Variants in EFCAB3 observed in about 807,000 individuals in gnomAD.
EFCAB3 encodes the protein EF-hand calcium-binding domain-containing protein 3.
EFCAB3 carries 36 observed loss-of-function variants against 42.2 expected under a neutral mutation model. That is an observed-to-expected ratio of 0.85 (90% CI 0.65 to 1.13). The LOEUF (loss-of-function observed/expected upper bound fraction) is 1.13, where lower values mean the gene tolerates loss of function less well. Ranked by LOEUF, EFCAB3 falls within the 50% of genes most tolerant of loss-of-function variation. The pLI, the probability that EFCAB3 is intolerant of heterozygous loss-of-function variation, is 0.00. For synonymous variants in EFCAB3, 170 were observed against 172.8 expected, an observed-to-expected ratio of 0.98 and a Z score of 0.13; for missense variants, 418 against 505.1, an observed-to-expected ratio of 0.83 and a Z score of 1.65.
chr17:62,410,541 C>T (rs1598022025), intron 8 of EFCAB3, among the ~76,000 whole-genome samples: 2 of 151,840 alleles, frequency 1.3e-5, no homozygotes, highest in East Asian at 3.9e-4. Flanking sequence ...ATTGCTTGAG[C>T]CGAGGAATTC....
intron 4 of EFCAB3, among the ~76,000 whole-genome samples, chr17:62,392,362 T>C (rs906155741): frequency 2.0e-5 from 3 of 151,730 alleles, no homozygotes; most frequent in Non-Finnish European, 4.4e-5. Context: ...TGTGTACAAG[T>C]TGTGAAATCA....
chr17:62,403,796 G>A (rs570675107), intron 6 of EFCAB3, among the ~76,000 whole-genome samples: 2 of 152,198 alleles, frequency 1.3e-5, no homozygotes, highest in Admixed American at 6.5e-5. Flanking sequence ...CTACAAGCCT[G>A]CACTACCATG....
chr17:62,371,762 T>C (rs1390686863), intron 1 of EFCAB3, among the ~76,000 whole-genome samples: 4 of 152,184 alleles, frequency 2.6e-5, no homozygotes, highest in African/African-American at 4.8e-5. Flanking sequence ...TGTTTGTTTA[T>C]TGAAATTTTA....
intron 9 of EFCAB3, 75 bp from the exon 10 acceptor site, chr17:62,415,928 G>A: frequency 1.6e-6 from 2 of 1,224,216 alleles, no homozygotes; most frequent in South Asian, 1.5e-5. Context: ...TAACTCTTGG[G>A]GTATCTATCA....
intron 6 of EFCAB3, among the ~76,000 whole-genome samples, chr17:62,403,886 G>C (rs892852679): frequency 6.6e-6 from 1 of 152,202 alleles, no homozygotes; most frequent in Non-Finnish European, 1.5e-5. Context: ...CTGACCTCAA[G>C]TGATCCACCC....
At chr17:62,389,600 A>C (rs2070285171) in intron 3 of EFCAB3, among the ~76,000 whole-genome samples, 1 of 152,160 alleles carries the variant, frequency 6.6e-6, no homozygotes, top group Admixed American at 6.5e-5. Context: ...TTACTTTCCC[A>C]AAGAAAACTG....
At chr17:62,406,456 T>G (rs1487990340) in intron 6 of EFCAB3, 24 bp from the exon 7 acceptor site, 1 of 1,554,948 alleles carries the variant, frequency 6.4e-7, no homozygotes, top group South Asian at 1.2e-5. Context: ...TGTATCCATT[T>G]CTGAATTACT....
chr17:62,379,216 G>A (rs1044837481), upstream of EFCAB3, among the ~76,000 whole-genome samples: 8 of 152,088 alleles, frequency 5.3e-5, no homozygotes, highest in South Asian at 2.1e-4. Context: ...CCAGGATTTC[G>A]AGACCAGTCT....
chr17:62,416,114 A>G lies in EFCAB3; in HGVS notation c.1102A>G (p.Asn368Asp). The G allele has an allele frequency of 6.2e-7, 1 of 1,613,934 alleles. No homozygotes were observed. The highest frequency in any genetic ancestry group is 8.5e-7 in the Non-Finnish European group (1 of 1,179,838). Residue 368 changes from asparagine to aspartate, a missense_variant, in exon 10 of 10, where the codon AAT becomes GAT. Coordinates refer to ENST00000305286, the MANE Select transcript of EFCAB3 (RefSeq NM_173503.4). ...GGATTTGATTGGGATGGACTCTAGA[A>G]ATGAGTCCTTTTATGACACCTTTTC... ...RGDLIGMDSR[N>D]ESFYDTFSTY...
chr17:62,379,332 C>T (rs1264726054), upstream of EFCAB3, among the ~76,000 whole-genome samples: 1 of 149,894 alleles, frequency 6.7e-6, no homozygotes, highest in Admixed American at 6.7e-5. Context: ...AGGTGGAAGA[C>T]TCACTTGAGC....
At chr17:62,385,193 C>T (rs2070238232) in intron 2 of EFCAB3, among the ~76,000 whole-genome samples, 1 of 152,180 alleles carries the variant, frequency 6.6e-6, no homozygotes, top group South Asian at 2.1e-4. Context: ...CTTGTAATCC[C>T]AACACTTTGG....
intron 9 of EFCAB3, 21 bp from the exon 10 acceptor site, chr17:62,415,982 A>G (rs368134084): frequency 5.7e-6 from 9 of 1,568,670 alleles, no homozygotes; most frequent in African/African-American, 1.4e-5. Flanking sequence ...ACTACAATAA[A>G]CTTCTGGTCT....
intron 3 of EFCAB3, among the ~76,000 whole-genome samples, chr17:62,389,887 C>T (rs181396301): frequency 2.2e-4 from 33 of 152,154 alleles, no homozygotes; most frequent in African/African-American, 4.6e-4. Context: ...CCCAGGTTCA[C>T]GCCATTCTCC....
chr17:62,373,565 G>A (rs1044434321), intron 1 of EFCAB3, among the ~76,000 whole-genome samples: 1 of 151,824 alleles, frequency 6.6e-6, no homozygotes, highest in African/African-American at 2.4e-5. Flanking sequence ...AGGTTGCAAT[G>A]AGCCATAATC....
intron 6 of EFCAB3, among the ~76,000 whole-genome samples, chr17:62,404,445 C>T (rs897389443): frequency 1.3e-5 from 2 of 152,092 alleles, no homozygotes; most frequent in Admixed American, 6.6e-5. Context: ...CTGTAGTGAG[C>T]CTTGCACCCC....
intron 6 of EFCAB3, among the ~76,000 whole-genome samples, chr17:62,403,788 A>G (rs112289543): frequency 0.024 from 3,587 of 152,244 alleles, 162 homozygotes; most frequent in African/African-American, 0.081. Context: ...AGCTGGGACT[A>G]CAAGCCTGCA....
At chr17:62,405,381 G>A (rs1159868900) in intron 6 of EFCAB3, among the ~76,000 whole-genome samples, 1 of 152,176 alleles carries the variant, frequency 6.6e-6, no homozygotes, top group African/African-American at 2.4e-5. Context: ...GAAAGAAAAG[G>A]TTGTCTGTCA....
At chr17:62,393,542 C>T (rs2070322167) in intron 4 of EFCAB3, 31 bp from the exon 5 acceptor site, 2 of 1,543,670 alleles carry the variant, frequency 1.3e-6, no homozygotes, top group South Asian at 1.1e-5. Context: ...TACATCTTAT[C>T]CTTGTCCTGA....
chr17:62,409,970 C>T (rs986334124), intron 8 of EFCAB3, among the ~76,000 whole-genome samples: 2 of 146,010 alleles, frequency 1.4e-5, no homozygotes, highest in Non-Finnish European at 3.0e-5. Context: ...GAGGCCAAAG[C>T]AGGTGGATCA....
Sources: gnomAD v4.1 joint callset for allele counts (sites outside exome capture counted in the v4.1 genomes callset) on GRCh38, gnomAD v4.1.1 for gene constraint, MANE v1.5 for transcripts, NCBI Gene and HGNC (gene_info 2026-07-23, HGNC 2026-07-21) for gene names.